NRG1: variants seen among roughly 807,000 people sequenced by gnomAD.
The protein encoded by NRG1 is neuregulin 1, also known as pro-neuregulin-1, membrane-bound isoform.
In NRG1, 18 loss-of-function variants were observed where a neutral mutation model predicts 63.8. That is an observed-to-expected ratio of 0.28 (90% CI 0.19 to 0.42). The LOEUF (loss-of-function observed/expected upper bound fraction) is 0.42, where lower values mean the gene tolerates loss of function less well. Among genes scored for constraint, NRG1 ranks in the 10% least tolerant of loss-of-function variants. The probability of loss-of-function intolerance (pLI) is 1.00; values close to 1 mark genes in which losing one functional copy is unlikely to be tolerated. For synonymous variants in NRG1, 302 were observed against 301.3 expected (o/e 1.00, Z -0.02); for missense variants, 762 against 814.7 (o/e 0.94, Z 0.79).
chr8:32,186,498 A>G (rs1278414246), intron 1 of NRG1, among the ~76,000 whole-genome samples: 2 of 151,990 alleles, frequency 1.3e-5, no homozygotes, highest in Non-Finnish European at 2.9e-5. Context: ...GAAAAAGAAA[A>G]AAAAAGAAAG....
At chr8:32,481,924 C>T (rs987264498) in intron 1 of NRG1, among the ~76,000 whole-genome samples, 2 of 152,078 alleles carry the variant, frequency 1.3e-5, no homozygotes. Context: ...AGTATGAAGA[C>T]CTCTAACTGG....
At chr8:32,674,297 A>G (rs1336766794) in intron 5 of NRG1, among the ~76,000 whole-genome samples, 1 of 152,194 alleles carries the variant, frequency 6.6e-6, no homozygotes, top group Non-Finnish European at 1.5e-5. Context: ...GTAATGTTTA[A>G]TTCATGTAAG....
chr8:31,859,669 G>T (rs746286632), intron 1 of NRG1, among the ~76,000 whole-genome samples: 7 of 152,186 alleles, frequency 4.6e-5, no homozygotes, highest in African/African-American at 7.2e-5. Context: ...TAGACAAAAA[G>T]TATGTTTGAT....
intron 1 of NRG1, among the ~76,000 whole-genome samples, chr8:31,894,717 A>AT (rs1831435398): frequency 6.6e-6 from 1 of 151,762 alleles, no homozygotes; most frequent in South Asian, 2.1e-4. Context: ...CGCCCGGCTA[A>AT]TTTTTTGTAT....
At chr8:32,413,927 T>G (rs1209398319) in intron 1 of NRG1, among the ~76,000 whole-genome samples, 1 of 112,552 alleles carries the variant, frequency 8.9e-6, no homozygotes, top group Non-Finnish European at 2.1e-5. Context: ...TTCTTCTAGG[T>G]TTTTTTTTTT....
intron 1 of NRG1, among the ~76,000 whole-genome samples, chr8:31,706,722 G>A (rs906967088): frequency 6.6e-6 from 1 of 152,096 alleles, no homozygotes; most frequent in African/African-American, 2.4e-5. Flanking sequence ...GTCAGCCTTT[G>A]GCATTTTGCC....
At chr8:32,088,823 C>T (rs977734405) in intron 1 of NRG1, among the ~76,000 whole-genome samples, 1 of 151,994 alleles carries the variant, frequency 6.6e-6, no homozygotes, top group African/African-American at 2.4e-5. Context: ...TGGCCCAGGT[C>T]ATCACGTTTA....
chr8:32,542,819 G>A (rs1832708158), intron 1 of NRG1, among the ~76,000 whole-genome samples: 1 of 152,210 alleles, frequency 6.6e-6, no homozygotes, highest in Non-Finnish European at 1.5e-5. Flanking sequence ...ATAATTGGGT[G>A]AAGCAATAGT....
chr8:32,687,408 T>C (rs1020340017), intron 5 of NRG1, among the ~76,000 whole-genome samples: 2 of 152,138 alleles, frequency 1.3e-5, no homozygotes, highest in Non-Finnish European at 2.9e-5. Context: ...CTGAAGTCAC[T>C]TGAAGTTATC....
intron 1 of NRG1, among the ~76,000 whole-genome samples, chr8:32,053,434 T>C (rs1026037204): frequency 7.9e-5 from 12 of 152,218 alleles, no homozygotes; most frequent in African/African-American, 2.9e-4. Flanking sequence ...TTGAGCTTTA[T>C]GCTCTGGGAC....
At chr8:32,413,747 C>G (rs955220356) in intron 1 of NRG1, among the ~76,000 whole-genome samples, 1 of 152,126 alleles carries the variant, frequency 6.6e-6, no homozygotes, top group Admixed American at 6.5e-5. Flanking sequence ...CATGCATAGG[C>G]AGTGTGCATC....
chr8:31,706,653 T>C (rs781484148), intron 1 of NRG1, among the ~76,000 whole-genome samples: 18 of 152,246 alleles, frequency 1.2e-4, no homozygotes, highest in Non-Finnish European at 7.3e-5. Flanking sequence ...TTAGTTCGGC[T>C]CTTACCAGGC....
intron 2 of NRG1, among the ~76,000 whole-genome samples, chr8:32,604,008 G>A (rs1004563787): frequency 6.6e-6 from 1 of 152,162 alleles, no homozygotes; most frequent in African/African-American, 2.4e-5. Flanking sequence ...TGCTCCACGA[G>A]ACTAGCAAGA....
In NRG1 at chr8:32,578,987, G is replaced by A. The variant is rs1375009174; in HGVS notation, c.101-16841G>A. ...ATTTTTAGGTTTATTAAATTTTTAG[G>A]TTTATTAAAATTCCTAAATGATGAT... On this transcript the variant is annotated intron_variant, in intron 1 of 11. Transcript: ENST00000356819. Among the ~76,000 whole-genome samples, 3 of 152,006 alleles carry A rather than the reference G, an allele frequency of 2.0e-5. No individual in the cohort carries two copies. In the East Asian group the frequency reaches 5.8e-4, roughly 29 times the overall value.
At chr8:31,763,691 C>G (rs1175684333) in intron 1 of NRG1, among the ~76,000 whole-genome samples, 1 of 152,210 alleles carries the variant, frequency 6.6e-6, no homozygotes, top group Admixed American at 6.5e-5. Flanking sequence ...TGGCTCACGC[C>G]TGTGATCCCA....
At chr8:32,018,675 A>T (rs1441432399) in intron 1 of NRG1, among the ~76,000 whole-genome samples, 1 of 152,160 alleles carries the variant, frequency 6.6e-6, no homozygotes, top group Non-Finnish European at 1.5e-5. Context: ...ATGTTGATGG[A>T]GATATGGGAT....
At chr8:32,427,691 A>G (rs1424488112) in intron 1 of NRG1, among the ~76,000 whole-genome samples, 1 of 152,192 alleles carries the variant, frequency 6.6e-6, no homozygotes, top group African/African-American at 2.4e-5. Context: ...GAAGAAAAAA[A>G]TGGGCTATTG....
chr8:32,713,364 C>T (rs146943721), intron 5 of NRG1, among the ~76,000 whole-genome samples: 27 of 152,202 alleles, frequency 1.8e-4, no homozygotes, highest in Admixed American at 3.3e-4. Context: ...AAAATCCTTC[C>T]GGTTTCGGTA....
intron 1 of NRG1, among the ~76,000 whole-genome samples, chr8:32,553,806 C>T (rs1040745019): frequency 2.0e-5 from 3 of 152,102 alleles, no homozygotes; most frequent in Non-Finnish European, 2.9e-5. Flanking sequence ...GAATTGAGTG[C>T]AGGTGTTTCT....
Sources: gnomAD v4.1 joint callset for allele counts (sites outside exome capture counted in the v4.1 genomes callset) on GRCh38, gnomAD v4.1.1 for gene constraint, MANE v1.5 for transcripts, NCBI Gene and HGNC (gene_info 2026-07-23, HGNC 2026-07-21) for gene names.